The following PIEZO1 variants were observed in gnomAD, a reference collection of about 807,000 sequenced individuals.
PIEZO1 encodes piezo type mechanosensitive ion channel component 1 (Er blood group), also known as piezo-type mechanosensitive ion channel component 1.
In PIEZO1, 296 loss-of-function variants were observed where a neutral mutation model predicts 297.2. The observed-to-expected ratio is 1.00, with a 90% CI of 0.91 to 1.10. The LOEUF is 1.10. PIEZO1 is among the 50% of genes least tolerant of loss of function. PIEZO1 has a pLI of 0.00. For synonymous variants in PIEZO1, 2,427 were observed against 1,507.5 expected (o/e 1.61, Z -14.13); for missense variants, 5,018 against 3,455.5 (o/e 1.45, Z -11.34).
At chr16:88,729,885 C>T (rs1033979333) in intron 22 of PIEZO1, among the ~76,000 whole-genome samples, 25 of 152,118 alleles carry the variant, frequency 1.6e-4, no homozygotes, top group African/African-American at 6.0e-4. Context: ...CCCACAGCCC[C>T]ATCTGCCACA....
intron 22 of PIEZO1, chr16:88,727,977 G>A: frequency 4.7e-6 from 1 of 214,000 alleles, no homozygotes; most frequent in Non-Finnish European, 9.2e-6. Flanking sequence ...CGTGTGATAG[G>A]ACAGCTCTGA....
At chr16:88,756,776 A>G (rs1156272907) in intron 1 of PIEZO1, among the ~76,000 whole-genome samples, 1 of 142,550 alleles carries the variant, frequency 7.0e-6, no homozygotes, top group Admixed American at 7.1e-5. Context: ...TCAAAAAACA[A>G]TAAAAATAAA....
rs572190306 is a variant in PIEZO1, at chr16:88,715,363, A to C, written c.*242T>G. The C allele has an allele frequency of 3.4e-5, 42 of 1,224,878 alleles. No homozygotes were observed. In the South Asian group the frequency reaches 5.9e-4, roughly 17 times the overall value. The allele number at this position is 1,224,878 out of a possible 1,614,324, so 75.9% of individuals were successfully genotyped here. ...TCTGATTGTCCATTTGTATAAATAA[A>C]ACATTTTTTAATTAAAAAAAAAACT... On this transcript the variant is annotated 3_prime_UTR_variant, in exon 51 of 51. Coordinates refer to ENST00000301015, the MANE Select transcript of PIEZO1 (RefSeq NM_001142864.4).
chr16:88,743,963 C>G, intron 2 of PIEZO1: 1 of 279,844 alleles, frequency 3.6e-6, no homozygotes, highest in Non-Finnish European at 7.2e-6. Context: ...GGAGCCACCA[C>G]CAGGGGGTGC....
Position 88,733,545 on chromosome 16 carries a change from G to A in PIEZO1, c.2487+43C>T, listed in dbSNP as rs557674994. 1,972 of 1,527,916 alleles carry A rather than the reference G, an allele frequency of 1.3e-3. 45 individuals carry two copies. In the Admixed American group the frequency reaches 0.036, roughly 28 times the overall value. 94.6% of individuals were successfully genotyped at this position (1,527,916 alleles called of 1,614,324 possible). On this transcript the variant is annotated intron_variant, in intron 18 of 50. Coordinates refer to ENST00000301015, the MANE Select transcript of PIEZO1 (RefSeq NM_001142864.4). Reference sequence around the variant, plus strand: ...GGAGGCCAGCTGGGCAGGCCAGAGCGACCCCACCCCAGATGGGAAGCTGAG... The same window carrying A: ...GGAGGCCAGCTGGGCAGGCCAGAGCAACCCCACCCCAGATGGGAAGCTGAG...
chr16:88,755,356 C>T (rs1044585159), intron 1 of PIEZO1, among the ~76,000 whole-genome samples: 3 of 152,226 alleles, frequency 2.0e-5, no homozygotes, highest in African/African-American at 7.2e-5. Context: ...AGCACCTACT[C>T]CCTGGCATTC....
Position 88,715,461 on chromosome 16 carries a change from CAG to C in PIEZO1, c.*142_*143del, listed in dbSNP as rs1567655317. 1.0e-6 allele frequency: 1 copy of C among 991,608 alleles called. No homozygotes were observed. The highest frequency in any genetic ancestry group is 1.6e-5 in the South Asian group (1 of 61,608). 61.4% of individuals were successfully genotyped at this position (991,608 alleles called of 1,614,324 possible). A position where few individuals can be genotyped will look rare whatever the true frequency, so the allele number is the denominator to read the frequency against. On this transcript the variant is annotated 3_prime_UTR_variant, in exon 51 of 51. Transcript: ENST00000301015. ...CAGTGTCCTTCTCTGACAGCAGCAT[CAG>C]GGCTCAGGCAGGCCGGGAGGATGCA...
chr16:88,725,343 G>A (rs1904345407), intron 29 of PIEZO1, 73 bp downstream of exon 29: 3 of 953,304 alleles, frequency 3.1e-6, no homozygotes, highest in South Asian at 1.7e-5. Context: ...CATGGGCACA[G>A]ACGCAGCACA....
intron 1 of PIEZO1, among the ~76,000 whole-genome samples, chr16:88,781,395 C>T (rs1051464249): frequency 2.6e-5 from 4 of 152,254 alleles, no homozygotes; most frequent in Non-Finnish European, 4.4e-5. Flanking sequence ...GACCCATCCT[C>T]AGCTCCTGGG....
chr16:88,741,212 T>C (rs147432046), intron 5 of PIEZO1: 6 of 380,248 alleles, frequency 1.6e-5, no homozygotes, highest in Admixed American at 8.5e-5. Flanking sequence ...ATAATTCCCC[T>C]GTGAAGAGTT....
intron 1 of PIEZO1, among the ~76,000 whole-genome samples, chr16:88,771,224 G>A (rs1028148657): frequency 6.6e-6 from 1 of 152,180 alleles, no homozygotes; most frequent in Non-Finnish European, 1.5e-5. Flanking sequence ...TCTGCACCCA[G>A]TGACCCCCCC....
chr16:88,732,004 C>A, intron 21 of PIEZO1, 94 bp from the exon 22 acceptor site: 1 of 8,346 alleles, frequency 1.2e-4, no homozygotes, highest in Non-Finnish European at 2.0e-4. Flanking sequence ...TTGCAGCAGC[C>A]CTGCCTGGAG....
At position 88,781,626 on chromosome 16, in the gene PIEZO1, T is replaced by C. The variant is rs149393389; in HGVS notation, c.64+3275A>G. 5.1e-3 allele frequency among the ~76,000 whole-genome samples: 770 copies of C among 152,334 alleles called. 18 individuals are homozygous for C. The highest frequency in any genetic ancestry group is 0.039 in the Admixed American group (601 of 15,296). On this transcript the variant is annotated intron_variant, in intron 1 of 50. Coordinates refer to ENST00000301015, the MANE Select transcript of PIEZO1 (RefSeq NM_001142864.4). ...CTCCCACCCTACTCTGCCACGGCCA[T>C]GCTCTTCCCAGCACCCTCGGATGGG...
At chr16:88,723,048 G>A (rs977201542) in intron 33 of PIEZO1, 39 bp from the exon 34 acceptor site, 11 of 1,543,696 alleles carry the variant, frequency 7.1e-6, no homozygotes, top group East Asian at 2.4e-5. Flanking sequence ...GGGGCAGCCT[G>A]TGGGGCCAAG....
At chr16:88,737,531 G>A in intron 10 of PIEZO1, 28 bp downstream of exon 10, 1 of 1,474,244 alleles carries the variant, frequency 6.8e-7, no homozygotes, top group Non-Finnish European at 9.1e-7. Context: ...CCCGCACCCA[G>A]CCATACCTTG....
intron 1 of PIEZO1, among the ~76,000 whole-genome samples, chr16:88,778,947 G>T (rs1394092538): frequency 6.6e-6 from 1 of 152,166 alleles, no homozygotes; most frequent in Non-Finnish European, 1.5e-5. Context: ...GGGGTGCATG[G>T]CGCGTTCACC....
In PIEZO1 at chr16:88,715,713, C is replaced by T; in HGVS notation, c.7458G>A (p.Leu2486=). The T allele has an allele frequency of 1.3e-6, 2 of 1,550,458 alleles. No individual in the cohort carries two copies. The highest frequency in any genetic ancestry group is 1.7e-6 in the Non-Finnish European group (2 of 1,146,976). The change falls in exon 51 of 51, where the codon CTG becomes CTA. Residue 2486 remains leucine, a synonymous_variant. Coordinates refer to ENST00000301015, the MANE Select transcript of PIEZO1 (RefSeq NM_001142864.4). ...GCTCCAGCTCCCGAGTCTCCCGCAC[C>T]AGGAAGATGTCCTGGCAGAGCTTGA... ...RILKLCQDIF[L]VRETRELELE... is the part of the protein sequence containing the mutation.
rs1256924506 is a variant in PIEZO1 at position 88,760,121 on chromosome 16, C to A, written c.65-10642G>T. The stretch of plus-strand genomic sequence containing the variant: ...CAGAGGTCCTGCCTCCAGCGCCCAC[C>A]ACCCCACACGCCCACCTCGGACCTC... On this transcript the variant is annotated intron_variant, in intron 1 of 50. Transcript: ENST00000301015. Among the ~76,000 whole-genome samples the A allele has an allele frequency of 2.6e-5, 4 of 152,198 alleles. No individual in the cohort carries two copies. In the East Asian group the frequency reaches 7.7e-4, roughly 29 times the overall value.
At chr16:88,758,648 C>T (rs972073566) in intron 1 of PIEZO1, among the ~76,000 whole-genome samples, 2 of 152,200 alleles carry the variant, frequency 1.3e-5, no homozygotes, top group African/African-American at 2.4e-5. Context: ...GGGGGTGCGG[C>T]AGAACCCTGT....
Sources: gnomAD v4.1 joint callset for allele counts (sites outside exome capture counted in the v4.1 genomes callset) on GRCh38, gnomAD v4.1.1 for gene constraint, MANE v1.5 for transcripts, NCBI Gene and HGNC (gene_info 2026-07-23, HGNC 2026-07-21) for gene names.